MYO5C: variants seen among roughly 807,000 people sequenced by gnomAD.
The protein encoded by MYO5C is myosin VC, also known as unconventional myosin-Vc.
Under a neutral mutation model 235.7 loss-of-function variants are expected in MYO5C, and 194 were observed. That is an observed-to-expected ratio of 0.82 (90% CI 0.73 to 0.93). The LOEUF is 0.93. Among genes scored for constraint, MYO5C ranks in the 40% least tolerant of loss-of-function variants. The pLI, the probability that MYO5C is intolerant of heterozygous loss-of-function variation, is 0.00. For synonymous variants in MYO5C, 707 were observed against 754.8 expected, an observed-to-expected ratio of 0.94 and a Z score of 1.04; for missense variants, 2,038 against 2,127.2, an observed-to-expected ratio of 0.96 and a Z score of 0.82.
intron 24 of MYO5C, 106 bp from the exon 25 acceptor site, chr15:52,229,419 G>A (rs1187659208): frequency 1.7e-5 from 17 of 1,021,162 alleles, no homozygotes; most frequent in African/African-American, 3.2e-5. Flanking sequence ...GAGCCCAGGA[G>A]TTCAAGACTA....
intron 9 of MYO5C, among the ~76,000 whole-genome samples, chr15:52,261,836 C>T (rs945883805): frequency 6.6e-6 from 1 of 152,212 alleles, no homozygotes; most frequent in East Asian, 1.9e-4. Flanking sequence ...ACTCCCAGCT[C>T]CTCTCTCAGG....
In MYO5C at chr15:52,244,445, CAT is replaced by C. The variant is rs747364257; in HGVS notation, c.2299_2300del (p.Met767AlafsTer91). 1 of 1,614,194 alleles carries C rather than the reference CAT, an allele frequency of 6.2e-7. No individual in the cohort carries two copies. Among genetic ancestry groups the C allele is most frequent in the South Asian group, 1.1e-5 (1 of 91,078 alleles). ...RQSCVMVQKH[M>X]RGWLQRKKFL... ...ATTTTTTCCTCTGGAGCCAGCCACG[CAT>C]GTGCTTTTGTACCATAACACAACTC... On this transcript the variant is annotated frameshift_variant, in exon 19 of 41. Transcript: ENST00000261839. LOFTEE classifies it high-confidence loss of function.
At position 52,205,972 on chromosome 15, in the gene MYO5C, A is replaced by G; in HGVS notation, c.4387-6T>C. 1 of 1,499,712 alleles carries G rather than the reference A, an allele frequency of 6.7e-7. No individual in the cohort carries two copies. The highest frequency in any genetic ancestry group is 1.8e-4 in the Middle Eastern group (1 of 5,684). 92.9% of individuals were successfully genotyped at this position (1,499,712 alleles called of 1,614,324 possible). A position where few individuals can be genotyped will look rare whatever the true frequency, so the allele number is the denominator to read the frequency against. ...CTATTATGCTTCATGAATTCCTAAA[A>G]GTAATTTTAAACATAAAATATTAGA... is the stretch of plus-strand genomic sequence containing the variant. On this transcript the variant is annotated splice_polypyrimidine_tract_variant and splice_region_variant and intron_variant, in intron 36 of 40. Coordinates refer to ENST00000261839, the MANE Select transcript of MYO5C (RefSeq NM_018728.4).
At chr15:52,276,882 C>T (rs1023551602) in intron 4 of MYO5C, among the ~76,000 whole-genome samples, 3 of 151,998 alleles carry the variant, frequency 2.0e-5, no homozygotes, top group Non-Finnish European at 2.9e-5. Context: ...GATGTGGCAC[C>T]GCTCACATGC....
rs1247898427 is a variant in MYO5C, at chr15:52,211,851, A to T, written c.4175T>A (p.Ile1392Asn). 4 of 1,613,966 alleles carry T rather than the reference A, an allele frequency of 2.5e-6. No individual in the cohort carries two copies. Among genetic ancestry groups the T allele is most frequent in the Non-Finnish European group, 3.4e-6 (4 of 1,179,962 alleles). The change falls in exon 35 of 41, where the codon ATC (isoleucine) becomes AAC (asparagine). Residue 1392 changes from isoleucine to asparagine, a missense_variant. Transcript: ENST00000261839. ...CAGGATATGAGCCGGCAGCCCGGGG[A>T]TCATGTTCACCACCACGCCACGGGG... Reference protein sequence around the residue: ...LKPRGVVVNMIPGLPAHILFM... With the variant: ...LKPRGVVVNMNPGLPAHILFM...
chr15:52,271,978 A>T, intron 6 of MYO5C, 134 bp from the exon 7 acceptor site: 1 of 477,288 alleles, frequency 2.1e-6, no homozygotes, highest in Non-Finnish European at 3.6e-6. Context: ...TGGCCAGTTC[A>T]CAAGCAGGCC....
chr15:52,285,612 T>C (rs2140866860), intron 1 of MYO5C, among the ~76,000 whole-genome samples: 1 of 152,278 alleles, frequency 6.6e-6, no homozygotes, highest in Non-Finnish European at 1.5e-5. Flanking sequence ...GCCTGCCGAG[T>C]GGCGCGCCGC....
In MYO5C at chr15:52,205,861, G is replaced by A; in HGVS notation, c.4492C>T (p.His1498Tyr). 1 of 1,589,022 alleles carries A rather than the reference G, an allele frequency of 6.3e-7. No individual in the cohort carries two copies. The highest frequency in any genetic ancestry group is 8.6e-7 in the Non-Finnish European group (1 of 1,164,100). Residue 1498 changes from histidine to tyrosine, a missense_variant, in exon 37 of 41, where the codon CAT (histidine) becomes TAT (tyrosine). By Grantham distance (83) the His-to-Tyr change is moderately conservative (BLOSUM62 2). Transcript: ENST00000261839. ...TTTTCCATTATGATAATAAATTGAT[G>A]ATATATTCGTATAGCCACATCACTG... Reference protein sequence around the residue: ...ILSDVAIRIYHQFIIIMEKNI... With the variant: ...ILSDVAIRIYYQFIIIMEKNI...
chr15:52,229,347 G>T, intron 24 of MYO5C, 34 bp from the exon 25 acceptor site: 13 of 1,599,368 alleles, frequency 8.1e-6, no homozygotes, highest in Non-Finnish European at 1.1e-5. Context: ...ATTTAGAGCT[G>T]AGCATGGTGG....
chr15:52,244,354 A>G lies in MYO5C; in HGVS notation c.2390+2T>C. 6.2e-7 allele frequency: 1 copy of G among 1,611,532 alleles called. No individual in the cohort carries two copies. Among genetic ancestry groups the G allele is most frequent in the East Asian group, 2.2e-5 (1 of 44,806 alleles). The stretch of plus-strand genomic sequence containing the variant: ...CACATGTGTTCCTTGATTCCAACAT[A>G]CCTCACAGTTTGCTGACCCCGGAAG... On this transcript the variant is annotated splice_donor_variant, in intron 19 of 40. Coordinates refer to ENST00000261839, the MANE Select transcript of MYO5C (RefSeq NM_018728.4). LOFTEE classifies it high-confidence loss of function.
At chr15:52,243,405 C>T (rs116354172) in intron 19 of MYO5C, 4,335 of 152,598 alleles carry the variant, frequency 0.028, 242 homozygotes, top group African/African-American at 0.098. Flanking sequence ...GGGAAGGGAG[C>T]GTGGCCTTGG....
chr15:52,271,949 C>G, intron 6 of MYO5C, 105 bp from the exon 7 acceptor site: 8 of 616,446 alleles, frequency 1.3e-5, no homozygotes, highest in Non-Finnish European at 2.2e-5. Flanking sequence ...ATGGATAATT[C>G]TCTGTCTGGG....
At chr15:52,295,555 G>T in intron 1 of MYO5C, 55 bp downstream of exon 1, 2 of 1,495,118 alleles carry the variant, frequency 1.3e-6, no homozygotes, top group Non-Finnish European at 1.8e-6. Context: ...TCGAGTCAGC[G>T]TTAGCAGGGC....
rs752562016 is a variant in MYO5C at position 52,232,667 on chromosome 15, G to A, written c.2981C>T (p.Thr994Ile). Residue 994 changes from threonine (T) to isoleucine (I), a missense_variant, in exon 24 of 41, where the codon ACC becomes ATC. Transcript: ENST00000261839. Reference protein sequence around the residue: ...EELKEKMDNLTKQLFDDVQKE... With the variant: ...EELKEKMDNLIKQLFDDVQKE... ...TTGTACATCATCAAAGAGCTGCTTG[G>A]TGAGGTTGTCCATTTTTTCTGTAAA... is the stretch of plus-strand genomic sequence containing the variant. 25 of 1,613,538 alleles carry A rather than the reference G, an allele frequency of 1.5e-5. No individual in the cohort carries two copies. Among genetic ancestry groups the A allele is most frequent in the African/African-American group, 2.7e-5 (2 of 74,770 alleles).
At chr15:52,272,544 C>T in intron 6 of MYO5C, 36 bp downstream of exon 6, 1 of 1,605,754 alleles carries the variant, frequency 6.2e-7, no homozygotes, top group Non-Finnish European at 8.5e-7. Flanking sequence ...GTAAATAATG[C>T]TCAAAAAGTT....
intron 36 of MYO5C, among the ~76,000 whole-genome samples, chr15:52,207,436 C>T (rs185891935): frequency 2.0e-3 from 303 of 152,222 alleles, no homozygotes; most frequent in Middle Eastern, 3.4e-3. Context: ...TCCTTTTGTT[C>T]TATAGTACTA....
At chr15:52,277,907 G>C (rs887905073) in intron 4 of MYO5C, 3 of 455,928 alleles carry the variant, frequency 6.6e-6, no homozygotes, top group African/African-American at 6.0e-5. Context: ...TGCCCTCTGA[G>C]AGTCCAGCTC....
chr15:52,211,016 T>C (rs1043006012), intron 35 of MYO5C, among the ~76,000 whole-genome samples: 1 of 152,228 alleles, frequency 6.6e-6, no homozygotes, highest in Non-Finnish European at 1.5e-5. Flanking sequence ...CTATGGTAGG[T>C]TCCCTCTTGC....
At position 52,193,771 on chromosome 15, in the gene MYO5C, G is replaced by GGTTTTACCTGATCTGCATCCCTTT; in HGVS notation, c.*130_*131insAAAGGGATGCAGATCAGGTAAAAC. Reference sequence around the variant, plus strand: ...GTCACTGTGAGTGAGAGATGATGTGGTCCATTTGAGAAAAGTCTGTTTTCT... The same window carrying GGTTTTACCTGATCTGCATCCCTTT: ...GTCACTGTGAGTGAGAGATGATGTGGGTTTTACCTGATCTGCATCCCTTTTCCATTTGAGAAAAGTCTGTTTTCT... On this transcript the variant is annotated 3_prime_UTR_variant, in exon 41 of 41. Transcript: ENST00000261839. The GGTTTTACCTGATCTGCATCCCTTT allele has an allele frequency of 1.1e-6, 1 of 904,814 alleles. No homozygotes were observed. The highest frequency in any genetic ancestry group is 1.7e-6 in the Non-Finnish European group (1 of 595,712). The allele number at this position is 904,814 out of a possible 1,614,324, so 56.0% of individuals were successfully genotyped here.
Sources: gnomAD v4.1 joint callset for allele counts (sites outside exome capture counted in the v4.1 genomes callset) on GRCh38, gnomAD v4.1.1 for gene constraint, MANE v1.5 for transcripts, NCBI Gene and HGNC (gene_info 2026-07-23, HGNC 2026-07-21) for gene names.